Variants in DIP2C observed in about 807,000 individuals in gnomAD.
DIP2C encodes disco-interacting protein 2 homolog C.
Under a neutral mutation model 192.4 loss-of-function variants are expected in DIP2C, and 33 were observed. That is an observed-to-expected ratio of 0.17 (90% confidence interval 0.13 to 0.23). The LOEUF is 0.23. DIP2C is among the 10% of genes least tolerant of loss of function. The pLI is 1.00. For synonymous variants in DIP2C, 979 were observed against 864.1 expected (o/e 1.13, Z -2.33); for missense variants, 1,537 against 2,110.1 (o/e 0.73, Z 5.32).
intron 1 of DIP2C, among the ~76,000 whole-genome samples, chr10:567,458 G>C (rs1849522665): frequency 6.6e-6 from 1 of 152,026 alleles, no homozygotes; most frequent in Admixed American, 6.5e-5. Flanking sequence ...CCAAAGACAG[G>C]CATCTGTTTT....
intron 29 of DIP2C, chr10:340,738 A>G (rs1371759179): frequency 6.6e-6 from 3 of 457,264 alleles, no homozygotes; most frequent in Non-Finnish European, 1.3e-5. Flanking sequence ...TGCTGGGTAG[A>G]GTGCCGCACC....
chr10:344,308 C>A (rs536355630), intron 28 of DIP2C, among the ~76,000 whole-genome samples: 1 of 146,100 alleles, frequency 6.8e-6, no homozygotes, highest in African/African-American at 2.5e-5. Flanking sequence ...GAGAACTGTG[C>A]GAGGTAAAGC....
intron 3 of DIP2C, among the ~76,000 whole-genome samples, chr10:469,082 G>A (rs1480783762): frequency 1.3e-5 from 2 of 152,006 alleles, no homozygotes; most frequent in Admixed American, 6.6e-5. Flanking sequence ...TGCATAACTA[G>A]GACATCTCGG....
intron 29 of DIP2C, among the ~76,000 whole-genome samples, chr10:330,581 C>G (rs906457008): frequency 6.6e-6 from 1 of 151,884 alleles, no homozygotes; most frequent in Non-Finnish European, 1.5e-5. Flanking sequence ...TCACCTCAAA[C>G]TCCTGGGCTC....
At position 347,254 on chromosome 10, in the gene DIP2C, G is replaced by A. The variant is rs61836770; in HGVS notation, c.3231+1387C>T. On this transcript the variant is annotated intron_variant, in intron 26 of 36. Coordinates refer to ENST00000280886, the MANE Select transcript of DIP2C (RefSeq NM_014974.3). ...CATAGTTCTCCCGGAAACCCCACAC[G>A]CACCCAACCCAGACACATCACGCAT... 2.9e-3 allele frequency among the ~76,000 whole-genome samples: 50 copies of A among 17,230 alleles called. 4 individuals carry two copies. The highest frequency in any genetic ancestry group is 5.1e-3 in the East Asian group (3 of 586). 11.3% of individuals were successfully genotyped at this position (17,230 alleles called of 152,430 possible).
chr10:566,807 G>A (rs990787131), intron 1 of DIP2C, among the ~76,000 whole-genome samples: 15 of 152,198 alleles, frequency 9.9e-5, no homozygotes, highest in South Asian at 6.2e-4. Context: ...GGCACCATGC[G>A]GAGCAGCGTC....
intron 1 of DIP2C, among the ~76,000 whole-genome samples, chr10:574,414 C>CA (rs1850019211): frequency 6.6e-6 from 1 of 152,202 alleles, no homozygotes; most frequent in Non-Finnish European, 1.5e-5. Flanking sequence ...AGCAATATTT[C>CA]AACATGCTAA....
intron 1 of DIP2C, among the ~76,000 whole-genome samples, chr10:577,432 T>C (rs571275331): frequency 6.6e-6 from 1 of 152,354 alleles, no homozygotes; most frequent in South Asian, 2.1e-4. Flanking sequence ...ACACCTGTTG[T>C]GTGTACTTTC....
intron 3 of DIP2C, among the ~76,000 whole-genome samples, chr10:454,984 G>A (rs2133350923): frequency 6.6e-6 from 1 of 152,216 alleles, no homozygotes; most frequent in East Asian, 1.9e-4. Context: ...ATTTCCTAGA[G>A]CTCCTGCCAT....
chr10:439,885 T>C (rs370396720), intron 4 of DIP2C, among the ~76,000 whole-genome samples: 3 of 152,318 alleles, frequency 2.0e-5, no homozygotes, highest in East Asian at 3.9e-4. Context: ...ACCTTAAGTT[T>C]CTCTTGTAGT....
intron 6 of DIP2C, among the ~76,000 whole-genome samples, chr10:417,306 G>A (rs4880660): frequency 0.22 from 32,795 of 152,120 alleles, 4,520 homozygotes; most frequent in East Asian, 0.39. Flanking sequence ...GGGAGGCTAT[G>A]ACACGCCGAG....
rs1589674477 is a variant in DIP2C at position 386,477 on chromosome 10, T to A, written c.1662+1268A>T. On this transcript the variant is annotated intron_variant, in intron 14 of 36. Coordinates refer to ENST00000280886, the MANE Select transcript of DIP2C (RefSeq NM_014974.3). ...ACGGTGCTGGGAACAAGCTGCTCCATCTTATCCCAGGTCCTTCAATCCCAA... is the reference window on the plus strand; with the variant it reads ...ACGGTGCTGGGAACAAGCTGCTCCAACTTATCCCAGGTCCTTCAATCCCAA... Among the ~76,000 whole-genome samples the A allele has an allele frequency of 2.0e-5, 3 of 151,846 alleles. 1 individual carries two copies. In the South Asian group the frequency reaches 6.3e-4, roughly 32 times the overall value.
At chr10:659,393 C>T (rs1856614455) in intron 1 of DIP2C, among the ~76,000 whole-genome samples, 1 of 152,208 alleles carries the variant, frequency 6.6e-6, no homozygotes, top group Non-Finnish European at 1.5e-5. Flanking sequence ...AACACACATA[C>T]ATATATACAC....
intron 1 of DIP2C, chr10:662,992 G>T (rs1463418474): frequency 4.2e-6 from 3 of 713,626 alleles, no homozygotes; most frequent in Non-Finnish European, 7.8e-6. Flanking sequence ...TTATCTGAAC[G>T]TCACACAAAA....
intron 1 of DIP2C, among the ~76,000 whole-genome samples, chr10:615,059 A>G (rs1853359653): frequency 6.6e-6 from 1 of 152,234 alleles, no homozygotes; most frequent in Admixed American, 6.5e-5. Context: ...GTCCCATGTG[A>G]AACAGGCAGC....
intron 1 of DIP2C, among the ~76,000 whole-genome samples, chr10:511,488 T>TA (rs1322987560): frequency 2.0e-5 from 3 of 152,228 alleles, no homozygotes; most frequent in African/African-American, 7.2e-5. Context: ...CAATGCTGCT[T>TA]AAACACGGAG....
chr10:335,604 C>T (rs181490590), intron 29 of DIP2C, among the ~76,000 whole-genome samples: 3 of 152,320 alleles, frequency 2.0e-5, no homozygotes, highest in African/African-American at 7.2e-5. Context: ...CAATCAGTCC[C>T]CTAACTTGGG....
At chr10:449,920 C>CAAAAAAAAA (rs59135780) in intron 3 of DIP2C, among the ~76,000 whole-genome samples, 7 of 135,914 alleles carry the variant, frequency 5.2e-5, no homozygotes, top group African/African-American at 1.8e-4. Flanking sequence ...TCAACAACAA[C>CAAAAAAAAA]AAAAAAAAAA....
intron 4 of DIP2C, chr10:430,290 A>G (rs1966845066): frequency 6.6e-6 from 1 of 152,218 alleles, no homozygotes; most frequent in African/African-American, 2.4e-5. Context: ...TCCAAGGCGC[A>G]ATCCCACTAC....
Sources: gnomAD v4.1 joint callset for allele counts (sites outside exome capture counted in the v4.1 genomes callset) on GRCh38, gnomAD v4.1.1 for gene constraint, MANE v1.5 for transcripts, NCBI Gene and HGNC (gene_info 2026-07-23, HGNC 2026-07-21) for gene names.